The following CSMD1 variants were observed in gnomAD, a reference collection of about 807,000 sequenced individuals.
CSMD1 encodes CUB and Sushi multiple domains 1.
CSMD1 carries 213 observed loss-of-function variants against 417.5 expected under a neutral mutation model. The observed-to-expected ratio is 0.51, with a 90% confidence interval of 0.46 to 0.57. CSMD1 has a LOEUF of 0.57. CSMD1 is among the 20% of genes least tolerant of loss of function. The pLI is 0.00. For missense variants in CSMD1, 6,923 were observed against 4,529.7 expected, an observed-to-expected ratio of 1.53 and a Z score of -15.17; for synonymous variants, 2,862 against 1,736.8, an observed-to-expected ratio of 1.65 and a Z score of -16.11.
At chr8:3,267,792 G>C (rs896481479) in intron 26 of CSMD1, among the ~76,000 whole-genome samples, 4 of 152,166 alleles carry the variant, frequency 2.6e-5, no homozygotes, top group African/African-American at 4.8e-5. Context: ...GGGAGACCAA[G>C]GGGTGCAGAG....
chr8:3,805,597 C>T (rs1002079794), intron 5 of CSMD1, among the ~76,000 whole-genome samples: 1 of 152,104 alleles, frequency 6.6e-6, no homozygotes, highest in African/African-American at 2.4e-5. Context: ...ATCAGTTTTC[C>T]AGCTAAGAGT....
At chr8:2,978,932 G>A (rs1805169577) in intron 54 of CSMD1, 132 bp from the exon 55 acceptor site, 3 of 749,154 alleles carry the variant, frequency 4.0e-6, no homozygotes, top group Middle Eastern at 3.0e-4. Context: ...TGAGGCTCAT[G>A]AAATTCCACT....
At chr8:4,044,899 T>C (rs1798072153) in intron 3 of CSMD1, among the ~76,000 whole-genome samples, 1 of 151,678 alleles carries the variant, frequency 6.6e-6, no homozygotes. Flanking sequence ...CCAGACTGAC[T>C]TCTCCCACAA....
intron 1 of CSMD1, among the ~76,000 whole-genome samples, chr8:4,966,422 C>A (rs907312304): frequency 6.6e-6 from 1 of 151,994 alleles, no homozygotes; most frequent in Admixed American, 6.6e-5. Flanking sequence ...AACTATCTCC[C>A]GGTATTTGGA....
intron 3 of CSMD1, among the ~76,000 whole-genome samples, chr8:4,129,084 AAAAAAAAAC>A (rs1423965161): frequency 2.0e-5 from 3 of 151,164 alleles, no homozygotes; most frequent in Non-Finnish European, 4.4e-5. Flanking sequence ...CAAAAAAAAA[AAAAAAAAAC>A]AAAACAAAAA....
intron 7 of CSMD1, among the ~76,000 whole-genome samples, chr8:3,673,252 A>T (rs1473100771): frequency 6.6e-6 from 1 of 152,228 alleles, no homozygotes; most frequent in Non-Finnish European, 1.5e-5. Context: ...GTTTCTATTG[A>T]ACACATGCTC....
chr8:3,994,324 C>G (rs993872438), intron 5 of CSMD1, among the ~76,000 whole-genome samples: 2 of 151,830 alleles, frequency 1.3e-5, no homozygotes, highest in Non-Finnish European at 2.9e-5. Context: ...CAACCTTAAT[C>G]CCGTTAACCA....
At chr8:4,734,819 T>C (rs1017712056) in intron 1 of CSMD1, among the ~76,000 whole-genome samples, 10 of 152,304 alleles carry the variant, frequency 6.6e-5, no homozygotes, top group African/African-American at 2.4e-4. Context: ...CCTGGGTATT[T>C]TCAGTCTTGG....
intron 39 of CSMD1, among the ~76,000 whole-genome samples, chr8:3,156,636 C>T (rs1214573224): frequency 6.6e-6 from 1 of 151,866 alleles, no homozygotes; most frequent in Non-Finnish European, 1.5e-5. Context: ...CCTAAACCCT[C>T]CAATAAATAT....
intron 3 of CSMD1, among the ~76,000 whole-genome samples, chr8:4,256,850 G>C (rs968540921): frequency 1.3e-5 from 2 of 152,192 alleles, no homozygotes; most frequent in Non-Finnish European, 2.9e-5. Context: ...CCCTCCAAGA[G>C]TCACCATCGC....
chr8:3,735,322 A>AC (rs1491425288), intron 6 of CSMD1, among the ~76,000 whole-genome samples: 11 of 28,278 alleles, frequency 3.9e-4, no homozygotes, highest in Admixed American at 6.4e-4. Context: ...CAAAACACAC[A>AC]AACACACACA....
intron 1 of CSMD1, among the ~76,000 whole-genome samples, chr8:4,821,692 G>A (rs569375585): frequency 8.5e-5 from 13 of 152,200 alleles, no homozygotes; most frequent in South Asian, 6.2e-4. Context: ...TGAAGAAAGA[G>A]CCCTATTCAT....
intron 6 of CSMD1, among the ~76,000 whole-genome samples, chr8:3,747,938 T>G (rs1235753181): frequency 2.0e-5 from 3 of 152,142 alleles, no homozygotes; most frequent in African/African-American, 7.2e-5. Context: ...GAAAAAACCC[T>G]TGTCCCACTT....
intron 7 of CSMD1, among the ~76,000 whole-genome samples, chr8:3,618,150 T>C (rs890610789): frequency 5.3e-5 from 8 of 152,156 alleles, no homozygotes; most frequent in African/African-American, 1.9e-4. Context: ...CACAGGCTTG[T>C]GCCACCGTGC....
intron 37 of CSMD1, among the ~76,000 whole-genome samples, chr8:3,166,936 T>C (rs1224799233): frequency 6.6e-6 from 1 of 152,242 alleles, no homozygotes; most frequent in Non-Finnish European, 1.5e-5. Flanking sequence ...AGCATACATA[T>C]GCTTCATACC....
intron 1 of CSMD1, among the ~76,000 whole-genome samples, chr8:4,898,242 G>C (rs75893272): frequency 4.6e-5 from 7 of 152,092 alleles, no homozygotes; most frequent in African/African-American, 1.7e-4. Context: ...GAGCATCGGG[G>C]TGCTTAGATG....
At position 3,308,451 on chromosome 8, in the gene CSMD1, C is replaced by T. The variant is rs765426907; in HGVS notation, c.3684G>A (p.Arg1228=). The change falls in exon 24 of 70, where the codon AGG becomes AGA. Residue 1228 remains arginine, a synonymous_variant. Transcript: ENST00000635120. ...EDPGIPNYGY[R]IRDEGHFTDT... ...CGGTAAAGTGGCCTTCATCACGGAT[C>T]CTATAGCCGTAGTTAGGGATGCCCG... is the stretch of plus-strand genomic sequence containing the variant. 1 of 1,613,610 alleles carries T rather than the reference C, an allele frequency of 6.2e-7. No homozygotes were observed. Among genetic ancestry groups the T allele is most frequent in the Non-Finnish European group, 8.5e-7 (1 of 1,179,794 alleles).
chr8:3,329,850 A>C (rs1486300772), intron 23 of CSMD1, among the ~76,000 whole-genome samples: 1 of 152,238 alleles, frequency 6.6e-6, no homozygotes, highest in Non-Finnish European at 1.5e-5. Context: ...CACAGGGCAC[A>C]GTGCCTATGG....
chr8:4,372,877 A>G (rs1802480667), intron 3 of CSMD1, among the ~76,000 whole-genome samples: 1 of 152,220 alleles, frequency 6.6e-6, no homozygotes, highest in Admixed American at 6.5e-5. Context: ...ACATGGAAAT[A>G]TAGCCCTCAA....
Sources: allele counts gnomAD v4.1 joint callset (sites outside exome capture counted in the v4.1 genomes callset), GRCh38; gene constraint gnomAD v4.1.1; transcripts MANE v1.5; gene names NCBI Gene and HGNC (gene_info 2026-07-23, HGNC 2026-07-21).